PDPN: variants seen among roughly 807,000 people sequenced by gnomAD.
PDPN encodes PA2.26 antigen.
A neutral mutation model predicts 23.2 loss-of-function variants in PDPN; 12 were observed. That is an observed-to-expected ratio of 0.52 (90% CI 0.33 to 0.84). The LOEUF (loss-of-function observed/expected upper bound fraction) is 0.84. Ranked by LOEUF, PDPN falls within the 40% of genes least tolerant of loss-of-function variation. The probability of loss-of-function intolerance (pLI) is 0.02; values close to 1 mark genes in which losing one functional copy is unlikely to be tolerated. For synonymous variants in PDPN, 77 were observed against 76.7 expected, an observed-to-expected ratio of 1.00 and a Z score of -0.02; for missense variants, 199 against 212.2, an observed-to-expected ratio of 0.94 and a Z score of 0.39.
chr1:13,585,362 C>T (rs1260817704), intron 1 of PDPN: 1 of 526,250 alleles, frequency 1.9e-6, no homozygotes, highest in African/African-American at 2.0e-5. Flanking sequence ...GACTGAGCAA[C>T]TCTTTTTATA....
rs1010795958 is a variant in PDPN at position 13,614,376 on chromosome 1, C to T, written c.447C>T (p.Ile149=). The change falls in exon 5 of 6, where the codon ATC becomes ATT. Residue 149 remains isoleucine, a synonymous_variant. Transcript: ENST00000621990. ...CCATCGGCTTCATTGGTGCAATCAT[C>T]GTTGTGGTTATGCGAAAAATGTCGG... is the stretch of plus-strand genomic sequence containing the variant. ...LLAIGFIGAI[I]VVVMRKMSGR... is the part of the protein sequence containing the mutation. The T allele has an allele frequency of 1.2e-5, 19 of 1,601,792 alleles. No homozygotes were observed. Among genetic ancestry groups the T allele is most frequent in the Admixed American group, 1.7e-5 (1 of 59,962 alleles).
chr1:13,613,003 T>A (rs372299024), intron 3 of PDPN, among the ~76,000 whole-genome samples: 1 of 152,070 alleles, frequency 6.6e-6, no homozygotes, highest in African/African-American at 2.4e-5. Flanking sequence ...TTTTTATTTT[T>A]AAATAGGTTA....
At chr1:13,584,683 G>A (rs1241832120) in intron 1 of PDPN, among the ~76,000 whole-genome samples, 1 of 152,210 alleles carries the variant, frequency 6.6e-6, no homozygotes, top group Non-Finnish European at 1.5e-5. Flanking sequence ...TAGTGTGTGT[G>A]GAAAGGATCC....
At chr1:13,587,777 G>A (rs574546166) in intron 1 of PDPN, among the ~76,000 whole-genome samples, 1 of 152,286 alleles carries the variant, frequency 6.6e-6, no homozygotes, top group African/African-American at 2.4e-5. Flanking sequence ...TAGAGCCCCG[G>A]TAGGGAATAA....
intron 1 of PDPN, chr1:13,595,934 A>G: frequency 3.3e-6 from 4 of 1,227,540 alleles, no homozygotes; most frequent in Non-Finnish European, 4.3e-6. Context: ...GCAGTGGCTC[A>G]CAACTGTAAT....
At chr1:13,613,930 C>G (rs2100288047) in intron 4 of PDPN, among the ~76,000 whole-genome samples, 1 of 140,140 alleles carries the variant, frequency 7.1e-6, no homozygotes, top group East Asian at 2.1e-4. Context: ...TGAAACTAAG[C>G]AAACCTCAGA....
chr1:13,584,418 C>T (rs894741745), intron 1 of PDPN: 3 of 1,015,834 alleles, frequency 3.0e-6, no homozygotes, highest in Admixed American at 3.0e-5. Context: ...TAGGCAGCCC[C>T]GCTTGCTGGC....
chr1:13,593,824 T>G (rs1158709586), intron 1 of PDPN, among the ~76,000 whole-genome samples: 1 of 152,164 alleles, frequency 6.6e-6, no homozygotes, highest in Non-Finnish European at 1.5e-5. Context: ...TAAAGCAGGT[T>G]TTTGTCATTT....
At chr1:13,599,446 C>T (rs1024396443) in intron 1 of PDPN, among the ~76,000 whole-genome samples, 18 of 131,474 alleles carry the variant, frequency 1.4e-4, no homozygotes, top group East Asian at 2.5e-4. Context: ...AGTGCAGTGG[C>T]GCAATCTCAG....
Position 13,610,396 on chromosome 1 carries a change from A to G in PDPN, c.211A>G (p.Ser71Gly), listed in dbSNP as rs150037960. 64 of 1,613,346 alleles carry G rather than the reference A, an allele frequency of 4.0e-5. No individual in the cohort carries two copies. Among genetic ancestry groups the G allele is most frequent in the Non-Finnish European group, 4.7e-5 (55 of 1,179,544 alleles). The change falls in exon 3 of 6, where the codon AGT becomes GGT. Residue 71 changes from serine to glycine, a missense_variant. Physicochemically the swap from Ser to Gly is moderately conservative, Grantham distance 56. Coordinates refer to ENST00000621990, the MANE Select transcript of PDPN (RefSeq NM_006474.5). ...KSGLTTLVAT[S>G]VNSVTGIRIE... ...TTTACACCTACAATAGGTGGCAACA[A>G]GTGTCAACAGTGTAACAGGCATTCG...
chr1:13,602,349 C>G (rs1350922303), intron 1 of PDPN, among the ~76,000 whole-genome samples: 1 of 151,866 alleles, frequency 6.6e-6, no homozygotes, highest in East Asian at 1.9e-4. Flanking sequence ...ATGCCAGCAG[C>G]ATTTAGGCCA....
chr1:13,612,432 ATAT>A (rs1640958442), intron 3 of PDPN, among the ~76,000 whole-genome samples: 1 of 152,172 alleles, frequency 6.6e-6, no homozygotes, highest in Admixed American at 6.5e-5. Flanking sequence ...TGATAATGGT[ATAT>A]TAAGAGCCTG....
intron 1 of PDPN, among the ~76,000 whole-genome samples, chr1:13,603,199 A>G (rs1244024011): frequency 6.6e-6 from 1 of 152,202 alleles, no homozygotes; most frequent in African/African-American, 2.4e-5. Flanking sequence ...CCTGGCCAAC[A>G]TGGTGAAATG....
intron 1 of PDPN, 103 bp from the exon 2 acceptor site, chr1:13,607,069 AT>A: frequency 7.4e-7 from 1 of 1,359,222 alleles, no homozygotes; most frequent in Non-Finnish European, 1.0e-6. Context: ...TAAAACAAAA[AT>A]TTCCAAAAGA....
intron 1 of PDPN, among the ~76,000 whole-genome samples, chr1:13,605,896 C>T (rs1185909504): frequency 6.6e-6 from 1 of 152,172 alleles, no homozygotes; most frequent in Non-Finnish European, 1.5e-5. Context: ...GCTGGGGTTA[C>T]AGGCGTGAGC....
intron 1 of PDPN, among the ~76,000 whole-genome samples, chr1:13,602,818 T>C (rs1462099729): frequency 6.6e-6 from 1 of 152,066 alleles, no homozygotes; most frequent in Non-Finnish European, 1.5e-5. Flanking sequence ...TCCACCCGTC[T>C]CAGCCTCCGA....
chr1:13,610,429 G>A lies in PDPN; in HGVS notation c.244G>A (p.Asp82Asn), dbSNP rs1640903673. The change falls in exon 3 of 6, where the codon GAT (aspartate) becomes AAT (asparagine). Residue 82 changes from aspartate to asparagine, a missense_variant. Physicochemically the swap from Asp to Asn is conservative, Grantham distance 23. Coordinates refer to ENST00000621990, the MANE Select transcript of PDPN (RefSeq NM_006474.5). The stretch of plus-strand genomic sequence containing the variant: ...CAGTGTAACAGGCATTCGCATCGAG[G>A]ATCTGCCAACTTCAGAAAGCACAGT... ...VNSVTGIRIE[D>N]LPTSESTVHA... 6 of 1,613,924 alleles carry A rather than the reference G, an allele frequency of 3.7e-6. No homozygotes were observed. The highest frequency in any genetic ancestry group is 5.1e-6 in the Non-Finnish European group (6 of 1,179,868).
intron 5 of PDPN, among the ~76,000 whole-genome samples, chr1:13,615,254 C>T (rs1182050230): frequency 6.6e-6 from 1 of 151,948 alleles, no homozygotes; most frequent in Admixed American, 6.6e-5. Flanking sequence ...TATCTACACT[C>T]ATGGCCAGAG....
At chr1:13,596,339 G>A (rs957374904) in intron 1 of PDPN, among the ~76,000 whole-genome samples, 3 of 152,186 alleles carry the variant, frequency 2.0e-5, no homozygotes, top group Non-Finnish European at 4.4e-5. Context: ...CGCTATGTAC[G>A]CCTGGAGGAA....
Sources: gnomAD v4.1 joint callset for allele counts (sites outside exome capture counted in the v4.1 genomes callset) on GRCh38, gnomAD v4.1.1 for gene constraint, MANE v1.5 for transcripts, NCBI Gene and HGNC (gene_info 2026-07-23, HGNC 2026-07-21) for gene names.